The following INPP5A variants were observed in gnomAD, a reference collection of about 807,000 sequenced individuals.
The protein encoded by INPP5A is 43 kDa inositol polyphosphate 5-phophatase.
INPP5A carries 14 observed loss-of-function variants against 65.2 expected under a neutral mutation model. The ratio of observed to expected loss-of-function variants is 0.21; its 90% CI spans 0.14 to 0.34. The LOEUF (loss-of-function observed/expected upper bound fraction) is 0.34, where lower values mean the gene tolerates loss of function less well. Among genes scored for constraint, INPP5A ranks in the 10% least tolerant of loss-of-function variants. The probability of loss-of-function intolerance (pLI) is 1.00; values close to 1 mark genes in which losing one functional copy is unlikely to be tolerated. For missense variants in INPP5A, 431 were observed against 545.6 expected, an observed-to-expected ratio of 0.79 and a Z score of 2.09; for synonymous variants, 207 against 208.3, an observed-to-expected ratio of 0.99 and a Z score of 0.05.
At chr10:132,718,524 G>C (rs1003893155) in intron 8 of INPP5A, among the ~76,000 whole-genome samples, 1 of 149,882 alleles carries the variant, frequency 6.7e-6, no homozygotes, top group Non-Finnish European at 1.5e-5. Context: ...GGGTTCTGTG[G>C]TACCTGGGTT....
At chr10:132,688,533 G>A (rs910973161) in intron 4 of INPP5A, among the ~76,000 whole-genome samples, 1 of 152,246 alleles carries the variant, frequency 6.6e-6, no homozygotes, top group African/African-American at 2.4e-5. Context: ...CCACACTGGG[G>A]CACTCAGAAC....
chr10:132,671,114 C>CA (rs1329917309), intron 4 of INPP5A, among the ~76,000 whole-genome samples: 5 of 152,036 alleles, frequency 3.3e-5, no homozygotes, highest in Non-Finnish European at 7.4e-5. Context: ...GCAGGTGGCC[C>CA]ACTCCTTCTG....
chr10:132,628,470 G>A (rs942169565), intron 2 of INPP5A, among the ~76,000 whole-genome samples: 1 of 150,628 alleles, frequency 6.6e-6, no homozygotes, highest in African/African-American at 2.4e-5. Context: ...TGGCGGGGGG[G>A]GGGGGGGGCG....
intron 9 of INPP5A, among the ~76,000 whole-genome samples, chr10:132,743,904 T>C (rs759936804): frequency 6.6e-6 from 1 of 152,214 alleles, no homozygotes; most frequent in Non-Finnish European, 1.5e-5. Flanking sequence ...GTGCATTCAC[T>C]CTGGCGCAGA....
intron 1 of INPP5A, among the ~76,000 whole-genome samples, chr10:132,601,942 G>A (rs578144929): frequency 1.1e-4 from 16 of 152,156 alleles, no homozygotes; most frequent in Non-Finnish European, 2.1e-4. Flanking sequence ...GGCTATTTTT[G>A]GCTATTCAGG....
chr10:132,570,104 C>T (rs2071322416), intron 1 of INPP5A, among the ~76,000 whole-genome samples: 1 of 148,118 alleles, frequency 6.8e-6, no homozygotes, highest in South Asian at 2.2e-4. Flanking sequence ...TGGGCCCCCA[C>T]TGTTTTTTTT....
chr10:132,572,494 C>A (rs973483473), intron 1 of INPP5A, among the ~76,000 whole-genome samples: 1 of 151,896 alleles, frequency 6.6e-6, no homozygotes, highest in African/African-American at 2.4e-5. Flanking sequence ...CACGCCCGCC[C>A]GGGGCTGCTT....
At position 132,765,849 on chromosome 10, in the gene INPP5A, A is replaced by G; in HGVS notation, c.977+3A>G. 6.3e-7 allele frequency: 1 copy of G among 1,581,352 alleles called. No individual in the cohort carries two copies. Among genetic ancestry groups the G allele is most frequent in the Non-Finnish European group, 8.7e-7 (1 of 1,150,140 alleles). ...CTGGACATCTCGTTCCCTCCCAGGT[A>G]TGGAACATGCTGTTTGCTGGATGAA... On this transcript the variant is annotated splice_donor_region_variant and intron_variant, in intron 12 of 15. Coordinates refer to ENST00000368594, the MANE Select transcript of INPP5A (RefSeq NM_005539.5).
At chr10:132,692,919 G>A (rs573226968) in intron 5 of INPP5A, among the ~76,000 whole-genome samples, 2 of 152,288 alleles carry the variant, frequency 1.3e-5, no homozygotes, top group East Asian at 3.9e-4. Context: ...ACCCTTAATT[G>A]GTCTAGCAGA....
chr10:132,647,627 C>G (rs1347599022), intron 3 of INPP5A, among the ~76,000 whole-genome samples: 2 of 152,092 alleles, frequency 1.3e-5, no homozygotes, highest in Non-Finnish European at 2.9e-5. Flanking sequence ...GAGAGGAGAG[C>G]GGATCGAGGC....
Position 132,684,612 on chromosome 10 carries a change from C to CTGAG in INPP5A, c.307-5778_307-5777insAGTG, listed in dbSNP as rs967324967. On this transcript the variant is annotated intron_variant, in intron 4 of 15. Coordinates refer to ENST00000368594, the MANE Select transcript of INPP5A (RefSeq NM_005539.5). ...CAGTCACTCATTAGTCACTGTGAGCCTGTCTTCTCATTTCTCCTGTATTAC... is the reference window on the plus strand; with the variant it reads ...CAGTCACTCATTAGTCACTGTGAGCCTGAGTGTCTTCTCATTTCTCCTGTATTAC... Among the ~76,000 whole-genome samples the CTGAG allele has an allele frequency of 1.1e-3, 171 of 152,334 alleles. 2 individuals carry two copies. The highest frequency in any genetic ancestry group is 4.0e-3 in the African/African-American group (166 of 41,572).
chr10:132,774,849 A>AG (rs1392837316), intron 12 of INPP5A, among the ~76,000 whole-genome samples: 1 of 89,696 alleles, frequency 1.1e-5, no homozygotes, highest in Admixed American at 1.2e-4. Flanking sequence ...AGGGGTAGGG[A>AG]GAGACGGGCA....
rs978556934 is a variant in INPP5A at position 132,538,334 on chromosome 10, C to T, written c.75+163C>T. Among the ~76,000 whole-genome samples, 1 of 152,086 alleles carries T rather than the reference C, an allele frequency of 6.6e-6. No homozygotes were observed. The highest frequency in any genetic ancestry group is 2.4e-5 in the African/African-American group (1 of 41,420). ...GACCCCAGACTCCTGTCCTGATTCC[C>T]AAGTCTGGGAGCCCAGACCCCTGTC... On this transcript the variant is annotated intron_variant, in intron 1 of 15. Coordinates refer to ENST00000368594, the MANE Select transcript of INPP5A (RefSeq NM_005539.5). The surrounding 1 kb of genome is among the most constrained non-coding windows in gnomAD (Gnocchi z 4.1).
At chr10:132,612,410 T>C (rs2071971514) in intron 2 of INPP5A, among the ~76,000 whole-genome samples, 1 of 151,166 alleles carries the variant, frequency 6.6e-6, no homozygotes. Flanking sequence ...AGAATTGTGA[T>C]GTTGTGTTTT....
intron 8 of INPP5A, among the ~76,000 whole-genome samples, chr10:132,716,148 C>T (rs1252867294): frequency 6.6e-6 from 1 of 152,204 alleles, no homozygotes; most frequent in African/African-American, 2.4e-5. Context: ...GCGCCTGCAC[C>T]CGCCACGCAC....
At position 132,544,553 on chromosome 10, in the gene INPP5A, G is replaced by A. The variant is rs139304947; in HGVS notation, c.75+6382G>A. ...GCAGGATCGTCTGTCTGCCGGGCAG[G>A]GAGGGTTAAATATGACTGTGGTCCC... On this transcript the variant is annotated intron_variant, in intron 1 of 15. Coordinates refer to ENST00000368594, the MANE Select transcript of INPP5A (RefSeq NM_005539.5). Among the ~76,000 whole-genome samples, 1,326 of 152,262 alleles carry A rather than the reference G, an allele frequency of 8.7e-3. 15 individuals carry two copies. The highest frequency in any genetic ancestry group is 0.03 in the African/African-American group (1,254 of 41,530).
chr10:132,744,367 G>A (rs971708400), intron 9 of INPP5A, among the ~76,000 whole-genome samples: 3 of 152,176 alleles, frequency 2.0e-5, no homozygotes, highest in East Asian at 1.9e-4. Context: ...CAGAGCGGCC[G>A]CTGTCACCGA....
rs111567645 is a variant in INPP5A at position 132,628,703 on chromosome 10, A to G, written c.118-17165A>G. On this transcript the variant is annotated intron_variant, in intron 2 of 15. Transcript: ENST00000368594. ...AAAACAACAATAGGCTGGTTTAACAATTTTTATAAAGAACTCTTATAAATG... is the reference window on the plus strand; with the variant it reads ...AAAACAACAATAGGCTGGTTTAACAGTTTTTATAAAGAACTCTTATAAATG... Among the ~76,000 whole-genome samples, 448 of 152,330 alleles carry G rather than the reference A, an allele frequency of 2.9e-3. 2 individuals are homozygous for G. Among genetic ancestry groups the G allele is most frequent in the African/African-American group, 0.01 (428 of 41,576 alleles).
At position 132,603,136 on chromosome 10, in the gene INPP5A, G is replaced by C. The variant is rs565906007; in HGVS notation, c.76-4779G>C. Among the ~76,000 whole-genome samples the C allele has an allele frequency of 9.2e-5, 14 of 152,306 alleles. No homozygotes were observed. Among genetic ancestry groups the C allele is most frequent in the African/African-American group, 3.4e-4 (14 of 41,552 alleles). ...GTGAAATGCCTCAATCTCTCCTGCT[G>C]ACGTCTCTGCCTTCCGAAGCTACAA... On this transcript the variant is annotated intron_variant, in intron 1 of 15. Coordinates refer to ENST00000368594, the MANE Select transcript of INPP5A (RefSeq NM_005539.5). The surrounding 1 kb of genome is among the most constrained non-coding windows in gnomAD (Gnocchi z 4.2).
Sources: gnomAD v4.1 joint callset for allele counts (sites outside exome capture counted in the v4.1 genomes callset) on GRCh38, gnomAD v4.1.1 for gene constraint, Gnocchi (gnomAD v3.1) non-coding constraint, MANE v1.5 for transcripts, NCBI Gene and HGNC (gene_info 2026-07-23, HGNC 2026-07-21) for gene names.